The following NCAM2 variants were observed in gnomAD, a reference collection of about 807,000 sequenced individuals.
NCAM2 encodes the protein neural cell adhesion molecule 2, also known as N-CAM-2.
Under a neutral mutation model 98.1 loss-of-function variants are expected in NCAM2, and 30 were observed. The observed-to-expected ratio is 0.31, with a 90% CI of 0.23 to 0.41. The LOEUF (loss-of-function observed/expected upper bound fraction) is 0.41. NCAM2 is among the 10% of genes least tolerant of loss of function. The pLI is 1.00. For synonymous variants in NCAM2, 368 were observed against 342.4 expected (o/e 1.07, Z -0.83); for missense variants, 867 against 1,005.8 (o/e 0.86, Z 1.87).
chr21:21,517,645 G>C (rs567491286), intron 16 of NCAM2, among the ~76,000 whole-genome samples: 1 of 152,088 alleles, frequency 6.6e-6, no homozygotes, highest in South Asian at 2.1e-4. Context: ...ATCACCTGAG[G>C]TCAAGAGTTC....
chr21:21,476,664 G>C (rs1380564595), intron 14 of NCAM2, among the ~76,000 whole-genome samples: 1 of 152,010 alleles, frequency 6.6e-6, no homozygotes, highest in Non-Finnish European at 1.5e-5. Flanking sequence ...GAAAAAGAAT[G>C]AGATAGTATT....
intron 1 of NCAM2, among the ~76,000 whole-genome samples, chr21:21,044,242 G>C (rs7510395): frequency 0.93 from 141,772 of 152,210 alleles, 66,849 homozygotes; most frequent in East Asian, 1. Context: ...GTCTATGGAA[G>C]ATCTTGAAGA....
intron 16 of NCAM2, among the ~76,000 whole-genome samples, chr21:21,519,822 T>A (rs533616941): frequency 6.6e-6 from 1 of 152,242 alleles, no homozygotes; most frequent in South Asian, 2.1e-4. Flanking sequence ...TTATACTATC[T>A]TTTACACATG....
chr21:21,487,848 C>G (rs1986518630), intron 15 of NCAM2, among the ~76,000 whole-genome samples: 1 of 152,074 alleles, frequency 6.6e-6, no homozygotes, highest in African/African-American at 2.4e-5. Context: ...TAAATTCTTT[C>G]CTATAAAATG....
chr21:21,172,749 A>G (rs1312052490), intron 1 of NCAM2, among the ~76,000 whole-genome samples: 2 of 152,132 alleles, frequency 1.3e-5, no homozygotes, highest in Non-Finnish European at 1.5e-5. Flanking sequence ...TAAAATATCT[A>G]ACTGAAAATT....
At chr21:21,473,253 G>A (rs988997131) in intron 14 of NCAM2, among the ~76,000 whole-genome samples, 6 of 149,738 alleles carry the variant, frequency 4.0e-5, no homozygotes, top group Admixed American at 1.3e-4. Context: ...GATGCTTCTC[G>A]TTTGCCCATT....
intron 1 of NCAM2, among the ~76,000 whole-genome samples, chr21:21,186,101 T>A (rs1734377617): frequency 6.6e-6 from 1 of 152,138 alleles, no homozygotes; most frequent in Admixed American, 6.5e-5. Flanking sequence ...AGGGGTTTTT[T>A]TTGTTGTTAG....
At chr21:21,450,958 AAT>A (rs112930722) in intron 12 of NCAM2, among the ~76,000 whole-genome samples, 30,681 of 150,504 alleles carry the variant, frequency 0.2, 3,227 homozygotes, top group African/African-American at 0.26. Flanking sequence ...AAGAAGTAGG[AAT>A]ATATATATAT....
intron 16 of NCAM2, among the ~76,000 whole-genome samples, chr21:21,530,137 A>G (rs1989555389): frequency 7.0e-6 from 1 of 143,396 alleles, no homozygotes; most frequent in Admixed American, 7.2e-5. Context: ...TATATGATTT[A>G]ATTTAATTTA....
intron 9 of NCAM2, chr21:21,385,548 C>T (rs2076253520): frequency 1.2e-6 from 1 of 833,810 alleles, no homozygotes; most frequent in Admixed American, 2.3e-5. Context: ...TAGCACTAAA[C>T]TTAAGGTGTT....
At chr21:21,466,754 CTTT>C (rs1983733848) in intron 13 of NCAM2, 29 bp downstream of exon 13, 2 of 1,575,256 alleles carry the variant, frequency 1.3e-6, no homozygotes. Context: ...TTTTTATTCT[CTTT>C]TGTCATTTTC....
intron 1 of NCAM2, among the ~76,000 whole-genome samples, chr21:21,239,166 A>T (rs761449791): frequency 6.6e-6 from 1 of 152,166 alleles, no homozygotes; most frequent in African/African-American, 2.4e-5. Context: ...GCAAAATCAG[A>T]TGTTGGGCAA....
rs34341259 is a variant in NCAM2 at position 21,316,533 on chromosome 21, CTT to C, written c.620-7831_620-7830del. On this transcript the variant is annotated intron_variant, in intron 5 of 17. Transcript: ENST00000400546. ...TCATCTTCCAATTTTATCTTTTATT[CTT>C]TTTTTTTTTTTTTTTTTTGAGACAG... 2.9e-4 allele frequency among the ~76,000 whole-genome samples: 32 copies of C among 110,896 alleles called. No individual in the cohort carries two copies. The East Asian group carries it at 5.1e-3, about 18-fold the overall frequency. 72.8% of individuals were successfully genotyped at this position (110,896 alleles called of 152,430 possible). A position where few individuals can be genotyped will look rare whatever the true frequency, so the allele number is the denominator to read the frequency against.
chr21:21,033,669 T>G (rs1480899322), intron 1 of NCAM2, among the ~76,000 whole-genome samples: 1 of 152,110 alleles, frequency 6.6e-6, no homozygotes, highest in Non-Finnish European at 1.5e-5. Flanking sequence ...AAGGGTGGCT[T>G]ATTAAGCGGA....
intron 5 of NCAM2, among the ~76,000 whole-genome samples, chr21:21,317,978 T>C (rs1292472251): frequency 6.6e-6 from 1 of 152,130 alleles, no homozygotes; most frequent in Non-Finnish European, 1.5e-5. Flanking sequence ...CCTGATATAT[T>C]TTAGAACCTG....
intron 1 of NCAM2, among the ~76,000 whole-genome samples, chr21:21,157,571 G>A (rs1309650074): frequency 6.6e-6 from 1 of 152,010 alleles, no homozygotes; most frequent in Non-Finnish European, 1.5e-5. Context: ...AATAAATGAA[G>A]GGGAGGAATT....
chr21:21,353,767 C>T (rs1366462010), intron 8 of NCAM2, among the ~76,000 whole-genome samples: 1 of 151,990 alleles, frequency 6.6e-6, no homozygotes, highest in Non-Finnish European at 1.5e-5. Context: ...CATTTTATAG[C>T]AGTATATATT....
At chr21:21,149,301 A>G (rs2069456772) in intron 1 of NCAM2, among the ~76,000 whole-genome samples, 1 of 152,152 alleles carries the variant, frequency 6.6e-6, no homozygotes, top group African/African-American at 2.4e-5. Flanking sequence ...CAACTTGGAG[A>G]TAATTGATAT....
At chr21:21,317,985 C>A (rs2074269034) in intron 5 of NCAM2, among the ~76,000 whole-genome samples, 1 of 152,120 alleles carries the variant, frequency 6.6e-6, no homozygotes, top group Admixed American at 6.6e-5. Flanking sequence ...TATTTTAGAA[C>A]CTGAGAAAGA....
Sources: allele counts gnomAD v4.1 joint callset (sites outside exome capture counted in the v4.1 genomes callset), GRCh38; gene constraint gnomAD v4.1.1; transcripts MANE v1.5; gene names NCBI Gene and HGNC (gene_info 2026-07-23, HGNC 2026-07-21).